The following AGAP1 variants were observed in gnomAD, a reference collection of about 807,000 sequenced individuals.
The protein encoded by AGAP1 is ArfGAP with GTPase domain, ankyrin repeat and PH domain 1.
In AGAP1, 29 loss-of-function variants were observed where a neutral mutation model predicts 105.3. That is an observed-to-expected ratio of 0.28 (90% CI 0.21 to 0.38). The LOEUF (loss-of-function observed/expected upper bound fraction) is 0.38, where lower values mean the gene tolerates loss of function less well. Among genes scored for constraint, AGAP1 ranks in the 10% least tolerant of loss-of-function variants. The probability of loss-of-function intolerance (pLI) is 1.00; values close to 1 mark genes in which losing one functional copy is unlikely to be tolerated. For synonymous variants in AGAP1, 509 were observed against 485.9 expected, an observed-to-expected ratio of 1.05 and a Z score of -0.63; for missense variants, 998 against 1,165.1, an observed-to-expected ratio of 0.86 and a Z score of 2.09.
At chr2:235,567,428 G>T (rs1443325146) in intron 1 of AGAP1, among the ~76,000 whole-genome samples, 1 of 152,152 alleles carries the variant, frequency 6.6e-6, no homozygotes, top group Non-Finnish European at 1.5e-5. Flanking sequence ...GCACCTGCCT[G>T]GTCATCCTCT....
Position 235,930,115 on chromosome 2 carries a change from A to T in AGAP1, c.1325-650A>T, listed in dbSNP as rs956232729. ...ATTTTGATGTTGAGCAACTGATTCA[A>T]ATCATTAAGTATACAATGGAATCAT... On this transcript the variant is annotated intron_variant, in intron 11 of 17. Coordinates refer to ENST00000304032, the MANE Select transcript of AGAP1 (RefSeq NM_001037131.3). The surrounding 1 kb of genome is among the most constrained non-coding windows in gnomAD (Gnocchi z 7.9). 2.0e-5 allele frequency among the ~76,000 whole-genome samples: 3 copies of T among 152,304 alleles called. No homozygotes were observed. Among genetic ancestry groups the T allele is most frequent in the Non-Finnish European group, 4.4e-5 (3 of 68,020 alleles).
Position 235,719,280 on chromosome 2 carries a change from C to T in AGAP1, c.310+1636C>T, listed in dbSNP as rs1433275341. Among the ~76,000 whole-genome samples, 1 of 152,144 alleles carries T rather than the reference C, an allele frequency of 6.6e-6. No homozygotes were observed. The highest frequency in any genetic ancestry group is 1.5e-5 in the Non-Finnish European group (1 of 68,026). On this transcript the variant is annotated intron_variant, in intron 3 of 17. Coordinates refer to ENST00000304032, the MANE Select transcript of AGAP1 (RefSeq NM_001037131.3). This position sits in a 1 kb window ranked among gnomAD's most constrained non-coding sequence, Gnocchi z 4.9. ...GGGTTTCTGGAGTAAGAACAAGGAC[C>T]ACGACTCACTCATGGTGGCCTTTCT... is the stretch of plus-strand genomic sequence containing the variant.
chr2:236,017,704 C>A (rs978034545), intron 13 of AGAP1, among the ~76,000 whole-genome samples: 2 of 152,230 alleles, frequency 1.3e-5, no homozygotes, highest in African/African-American at 4.8e-5. Flanking sequence ...GAGAGACAGA[C>A]AGAGCCAAGG....
rs1414965876 is a variant in AGAP1 at position 235,739,873 on chromosome 2, A to ACTCC, written c.311-1089_311-1088insTCCC. 4.6e-5 allele frequency among the ~76,000 whole-genome samples: 7 copies of ACTCC among 152,278 alleles called. No homozygotes were observed. Among genetic ancestry groups the ACTCC allele is most frequent in the Non-Finnish European group, 1.0e-4 (7 of 68,022 alleles). On this transcript the variant is annotated intron_variant, in intron 3 of 17. Transcript: ENST00000304032. This position sits in a 1 kb window ranked among gnomAD's most constrained non-coding sequence, Gnocchi z 5.3. ...TTCCCGTCGCAGGGGAGGGAATCAG[A>ACTCC]CGTCGCTCTGGGCGGCAGTGGAGCT...
In AGAP1 at chr2:235,692,615, C is replaced by T. The variant is rs1231088728; in HGVS notation, c.164-16564C>T. 1.3e-5 allele frequency among the ~76,000 whole-genome samples: 2 copies of T among 152,054 alleles called. No homozygotes were observed. The highest frequency in any genetic ancestry group is 2.9e-5 in the Non-Finnish European group (2 of 68,002). On this transcript the variant is annotated intron_variant, in intron 1 of 17. Transcript: ENST00000304032. This position sits in a 1 kb window ranked among gnomAD's most constrained non-coding sequence, Gnocchi z 5.8. ...GGGCCATCCTTTTCTGACTCAGCCTCAGTGCCTAGCCAGTGGGTTCCCCTC... is the reference window on the plus strand; with the variant it reads ...GGGCCATCCTTTTCTGACTCAGCCTTAGTGCCTAGCCAGTGGGTTCCCCTC...
chr2:235,853,759 A>G (rs112072284), intron 9 of AGAP1, among the ~76,000 whole-genome samples: 176 of 150,526 alleles, frequency 1.2e-3, no homozygotes, highest in African/African-American at 4.2e-3. Flanking sequence ...AAATGAGGTC[A>G]TTTTTGTGAA....
In AGAP1 at chr2:235,769,973, A is replaced by G. The variant is rs1325100654; in HGVS notation, c.673+19485A>G. 5.3e-5 allele frequency among the ~76,000 whole-genome samples: 8 copies of G among 152,242 alleles called. No homozygotes were observed. Among genetic ancestry groups the G allele is most frequent in the African/African-American group, 1.9e-4 (8 of 41,462 alleles). ...TTTCATATATTAGCAAGTGTATCTC[A>G]TATCTTCTGAATACACACATTTAAA... On this transcript the variant is annotated intron_variant, in intron 6 of 17. Transcript: ENST00000304032. The surrounding 1 kb of genome is among the most constrained non-coding windows in gnomAD (Gnocchi z 4.4).
At chr2:235,760,408 C>T (rs139324451) in intron 6 of AGAP1, among the ~76,000 whole-genome samples, 2 of 152,152 alleles carry the variant, frequency 1.3e-5, no homozygotes, top group African/African-American at 4.8e-5. Flanking sequence ...AAAATAAATA[C>T]AAATGTGTAA....
rs78210047 is a variant in AGAP1, at chr2:236,053,685, G to A, written c.2114+4404G>A. Among the ~76,000 whole-genome samples, 1,564 of 152,362 alleles carry A rather than the reference G, an allele frequency of 0.01. 26 individuals are homozygous for A. The highest frequency in any genetic ancestry group is 0.036 in the African/African-American group (1,485 of 41,582). ...GGCCCCCAAGGCCCTGCAGGGACTC[G>A]CTGCTATTTGCATTTCAGTGCAGGT... On this transcript the variant is annotated intron_variant, in intron 16 of 17. Transcript: ENST00000304032. This position sits in a 1 kb window ranked among gnomAD's most constrained non-coding sequence, Gnocchi z 4.6.
rs928486214 is a variant in AGAP1, at chr2:235,992,304, G to A, written c.1645+23681G>A. Among the ~76,000 whole-genome samples the A allele has an allele frequency of 2.2e-4, 34 of 152,226 alleles. No individual in the cohort carries two copies. The highest frequency in any genetic ancestry group is 8.2e-4 in the African/African-American group (34 of 41,468). The stretch of plus-strand genomic sequence containing the variant: ...CCTCTTCCTGGCGGGTGGCCTGGGC[G>A]AGTGCCTCACGCTCCCGTCAGTGCT... On this transcript the variant is annotated intron_variant, in intron 13 of 17. Coordinates refer to ENST00000304032, the MANE Select transcript of AGAP1 (RefSeq NM_001037131.3). The surrounding 1 kb of genome is among the most constrained non-coding windows in gnomAD (Gnocchi z 4.8).
intron 1 of AGAP1, among the ~76,000 whole-genome samples, chr2:235,634,083 A>G (rs563051892): frequency 9.2e-5 from 14 of 152,312 alleles, no homozygotes; most frequent in Middle Eastern, 3.4e-3. Context: ...GGCGGGGCCC[A>G]CAGGCATGGG....
chr2:235,508,220 G>T (rs1941915976), intron 1 of AGAP1, among the ~76,000 whole-genome samples: 1 of 152,140 alleles, frequency 6.6e-6, no homozygotes, highest in African/African-American at 2.4e-5. Flanking sequence ...CTTTGCTATT[G>T]TGAATAGTGC....
At chr2:235,698,056 G>C (rs1474742446) in intron 1 of AGAP1, among the ~76,000 whole-genome samples, 1 of 152,162 alleles carries the variant, frequency 6.6e-6, no homozygotes, top group Non-Finnish European at 1.5e-5. Flanking sequence ...CAGGGGTCGA[G>C]GGAGGGGGGA....
intron 1 of AGAP1, among the ~76,000 whole-genome samples, chr2:235,674,834 G>T (rs567230044): frequency 6.6e-6 from 1 of 151,564 alleles, no homozygotes. Context: ...GACTAGAGGC[G>T]CATGCCACCG....
At chr2:235,786,566 G>A (rs938309862) in intron 6 of AGAP1, among the ~76,000 whole-genome samples, 3 of 152,172 alleles carry the variant, frequency 2.0e-5, no homozygotes, top group Admixed American at 6.5e-5. Context: ...GGAGGGAAAT[G>A]GTACACTCAG....
intron 9 of AGAP1, among the ~76,000 whole-genome samples, chr2:235,812,370 C>T (rs944851729): frequency 6.6e-6 from 1 of 152,140 alleles, no homozygotes; most frequent in African/African-American, 2.4e-5. Flanking sequence ...TGAAGCTGTG[C>T]GTGTTTTGAT....
rs2052734830 is a variant in AGAP1 at position 235,931,834 on chromosome 2, G to A, written c.1483+911G>A. ...AGGAAGACATCTCCAAACCAAGCCGGGAGACGCGGAGTCAGCGAGGTAGCT... is the reference window on the plus strand; with the variant it reads ...AGGAAGACATCTCCAAACCAAGCCGAGAGACGCGGAGTCAGCGAGGTAGCT... On this transcript the variant is annotated intron_variant, in intron 12 of 17. Transcript: ENST00000304032. This position sits in a 1 kb window ranked among gnomAD's most constrained non-coding sequence, Gnocchi z 5.6. Among the ~76,000 whole-genome samples the A allele has an allele frequency of 6.6e-6, 1 of 151,950 alleles. No individual in the cohort carries two copies. The highest frequency in any genetic ancestry group is 6.6e-5 in the Admixed American group (1 of 15,248).
chr2:235,995,535 A>G (rs1306739449), intron 13 of AGAP1, among the ~76,000 whole-genome samples: 6 of 152,164 alleles, frequency 3.9e-5, no homozygotes, highest in African/African-American at 1.4e-4. Flanking sequence ...CAAAAGAAAG[A>G]AAAAATTCTA....
chr2:236,064,889 G>A (rs2058304453), intron 16 of AGAP1, among the ~76,000 whole-genome samples: 2 of 152,176 alleles, frequency 1.3e-5, no homozygotes, highest in Admixed American at 6.5e-5. Flanking sequence ...ATAATCACCT[G>A]TTCTGTAATA....
Sources: gnomAD v4.1 joint callset for allele counts (sites outside exome capture counted in the v4.1 genomes callset) on GRCh38, gnomAD v4.1.1 for gene constraint, Gnocchi (gnomAD v3.1) non-coding constraint, MANE v1.5 for transcripts, NCBI Gene and HGNC (gene_info 2026-07-23, HGNC 2026-07-21) for gene names.